ERBB4: variants seen among roughly 807,000 people sequenced by gnomAD.
ERBB4 encodes the protein receptor tyrosine-protein kinase erbB-4.
A neutral mutation model predicts 158.0 loss-of-function variants in ERBB4; 42 were observed. The observed-to-expected ratio is 0.27, with a 90% CI of 0.21 to 0.34. The LOEUF (loss-of-function observed/expected upper bound fraction) is 0.34, where lower values mean the gene tolerates loss of function less well. Among genes scored for constraint, ERBB4 ranks in the 10% least tolerant of loss-of-function variants. The pLI, the probability that ERBB4 is intolerant of heterozygous loss-of-function variation, is 1.00. For synonymous variants in ERBB4, 583 were observed against 558.7 expected, an observed-to-expected ratio of 1.04 and a Z score of -0.61; for missense variants, 1,333 against 1,624.1, an observed-to-expected ratio of 0.82 and a Z score of 3.08.
intron 1 of ERBB4, among the ~76,000 whole-genome samples, chr2:212,287,768 C>T (rs2086052208): frequency 6.6e-6 from 1 of 152,152 alleles, no homozygotes; most frequent in South Asian, 2.1e-4. Flanking sequence ...TTTGCAGGGA[C>T]ATGGATGGAG....
At chr2:211,784,238 A>T (rs1265377390) in intron 4 of ERBB4, among the ~76,000 whole-genome samples, 1 of 152,224 alleles carries the variant, frequency 6.6e-6, no homozygotes, top group Admixed American at 6.5e-5. Flanking sequence ...TTGACTCGTT[A>T]AAGAGCAATT....
intron 1 of ERBB4, among the ~76,000 whole-genome samples, chr2:212,286,599 T>TTTTTTTTTTTTTG (rs2085976942): frequency 4.8e-5 from 4 of 83,832 alleles, no homozygotes; most frequent in African/African-American, 2.8e-4. Context: ...GCTGACTTTT[T>TTTTTTTTTTTTTG]TTTTTTTTTT....
At chr2:212,246,674 AG>A (rs1475035519) in intron 1 of ERBB4, among the ~76,000 whole-genome samples, 1 of 152,196 alleles carries the variant, frequency 6.6e-6, no homozygotes, top group Non-Finnish European at 1.5e-5. Flanking sequence ...GGCCTTATGA[AG>A]AAAGTAATAT....
At chr2:212,279,677 T>C (rs1340324660) in intron 1 of ERBB4, among the ~76,000 whole-genome samples, 4 of 151,770 alleles carry the variant, frequency 2.6e-5, no homozygotes, top group Non-Finnish European at 4.4e-5. Context: ...ATCATCCTTC[T>C]TCAAAAAATA....
At chr2:212,054,002 A>G (rs1244276262) in intron 2 of ERBB4, among the ~76,000 whole-genome samples, 1 of 152,144 alleles carries the variant, frequency 6.6e-6, no homozygotes, top group Non-Finnish European at 1.5e-5. Flanking sequence ...AGAGAACAGA[A>G]GAGGGGAGAA....
At chr2:211,956,746 GT>G (rs1222979260) in intron 2 of ERBB4, among the ~76,000 whole-genome samples, 1 of 151,846 alleles carries the variant, frequency 6.6e-6, no homozygotes, top group African/African-American at 2.4e-5. Context: ...TAAACAATTG[GT>G]ACTACATAGC....
intron 16 of ERBB4, among the ~76,000 whole-genome samples, chr2:211,635,352 T>C (rs1382231094): frequency 6.6e-6 from 1 of 152,246 alleles, no homozygotes; most frequent in African/African-American, 2.4e-5. Context: ...GTTTTCATAA[T>C]TTCATTTAGA....
intron 3 of ERBB4, among the ~76,000 whole-genome samples, chr2:211,880,321 C>A (rs1345357842): frequency 2.0e-5 from 3 of 152,148 alleles, no homozygotes; most frequent in African/African-American, 7.2e-5. Flanking sequence ...GAATTTACCA[C>A]TATGTGGTAC....
intron 2 of ERBB4, among the ~76,000 whole-genome samples, chr2:211,957,694 T>C (rs367596870): frequency 6.6e-6 from 1 of 152,260 alleles, no homozygotes; most frequent in South Asian, 2.1e-4. Flanking sequence ...TATTAGTTTC[T>C]ATTGTTTTTC....
At chr2:211,564,426 A>G (rs552162696) in intron 19 of ERBB4, among the ~76,000 whole-genome samples, 1 of 152,334 alleles carries the variant, frequency 6.6e-6, no homozygotes, top group African/African-American at 2.4e-5. Context: ...GGCAAAATGG[A>G]AAGAGAAGTA....
intron 1 of ERBB4, among the ~76,000 whole-genome samples, chr2:212,495,686 A>G (rs1160852650): frequency 6.6e-6 from 1 of 152,336 alleles, no homozygotes; most frequent in Admixed American, 6.5e-5. Context: ...GCACATAATT[A>G]TAGCCTTCAG....
intron 20 of ERBB4, among the ~76,000 whole-genome samples, chr2:211,460,953 G>T (rs998438274): frequency 6.6e-6 from 1 of 151,850 alleles, no homozygotes; most frequent in African/African-American, 2.4e-5. Flanking sequence ...CTTCTCTTTG[G>T]TATTTCCTTT....
In ERBB4 at chr2:211,824,713, A is replaced by G. The variant is rs370053404; in HGVS notation, c.422-36554T>C. Reference sequence around the variant, plus strand: ...ATGATGATTTGATTGTCAAAATTAGATAAGACTTAATAATTAAAAAGACCG... The same window carrying G: ...ATGATGATTTGATTGTCAAAATTAGGTAAGACTTAATAATTAAAAAGACCG... On this transcript the variant is annotated intron_variant, in intron 3 of 27. Transcript: ENST00000342788. Among the ~76,000 whole-genome samples, 4 of 151,296 alleles carry G rather than the reference A, an allele frequency of 2.6e-5. No homozygotes were observed. The East Asian group carries it at 5.8e-4, about 22-fold the overall frequency.
chr2:211,813,137 G>A (rs2076797988), intron 3 of ERBB4, among the ~76,000 whole-genome samples: 2 of 152,172 alleles, frequency 1.3e-5, no homozygotes, highest in South Asian at 4.1e-4. Context: ...AATCACGCTG[G>A]GAGCTGCAGA....
At chr2:212,311,212 T>C (rs1341655869) in intron 1 of ERBB4, among the ~76,000 whole-genome samples, 2 of 150,746 alleles carry the variant, frequency 1.3e-5, no homozygotes, top group South Asian at 4.2e-4. Flanking sequence ...AATTTTTATA[T>C]CCAATCAGAG....
In ERBB4 at chr2:212,512,019, C is replaced by T. The variant is rs537126488; in HGVS notation, c.82+26430G>A. Among the ~76,000 whole-genome samples the T allele has an allele frequency of 2.0e-5, 3 of 152,242 alleles. No homozygotes were observed. In the South Asian group the frequency reaches 6.2e-4, roughly 32 times the overall value. On this transcript the variant is annotated intron_variant, in intron 1 of 27. Coordinates refer to ENST00000342788, the MANE Select transcript of ERBB4 (RefSeq NM_005235.3). ...GTTTCTCTGGAAGCCTGCCAGATTT[C>T]CCCTTTCATTGATCAGAATTCTATC...
At chr2:211,666,976 G>T (rs146188358) in intron 14 of ERBB4, among the ~76,000 whole-genome samples, 85 of 152,200 alleles carry the variant, frequency 5.6e-4, no homozygotes, top group African/African-American at 1.9e-3. Context: ...AAGATAATGG[G>T]AGTACCTTAT....
rs575746363 is a variant in ERBB4, at chr2:212,058,129, A to G, written c.234+66623T>C. Among the ~76,000 whole-genome samples the G allele has an allele frequency of 2.2e-4, 33 of 152,346 alleles. 1 individual carries two copies. In the South Asian group the frequency reaches 5.8e-3, roughly 27 times the overall value. ...GGATATCACCACTGATCCCACAGAA[A>G]TACAAACTACCATCAGAGAATACTA... On this transcript the variant is annotated intron_variant, in intron 2 of 27. Coordinates refer to ENST00000342788, the MANE Select transcript of ERBB4 (RefSeq NM_005235.3).
intron 7 of ERBB4, among the ~76,000 whole-genome samples, chr2:211,715,313 A>G (rs1390412768): frequency 6.6e-6 from 1 of 151,984 alleles, no homozygotes; most frequent in Non-Finnish European, 1.5e-5. Context: ...CCACCACAAC[A>G]AAGAGTCACT....
Sources: gnomAD v4.1 joint callset for allele counts (sites outside exome capture counted in the v4.1 genomes callset) on GRCh38, gnomAD v4.1.1 for gene constraint, MANE v1.5 for transcripts, NCBI Gene and HGNC (gene_info 2026-07-23, HGNC 2026-07-21) for gene names.